The following MICU2 variants were observed in gnomAD, a reference collection of about 807,000 sequenced individuals.
The protein encoded by MICU2 is mitochondrial calcium uptake 2, also known as calcium uptake protein 2, mitochondrial.
A neutral mutation model predicts 60.4 loss-of-function variants in MICU2; 64 were observed. That is an observed-to-expected ratio of 1.06 (90% confidence interval 0.87 to 1.31). The LOEUF is 1.31. Among genes scored for constraint, MICU2 ranks in the 50% most tolerant of loss-of-function variants. The probability of loss-of-function intolerance (pLI) is 0.00; values close to 1 mark genes in which losing one functional copy is unlikely to be tolerated. For missense variants in MICU2, 569 were observed against 531.0 expected (o/e 1.07, Z -0.70); for synonymous variants, 201 against 175.0 (o/e 1.15, Z -1.17).
intron 2 of MICU2, among the ~76,000 whole-genome samples, chr13:21,544,850 C>T (rs984010134): frequency 9.9e-5 from 15 of 152,142 alleles, no homozygotes; most frequent in African/African-American, 3.4e-4. Flanking sequence ...TGAGGTCTTG[C>T]TATGTTGTCC....
At chr13:21,504,234 G>A (rs1465441730) in intron 8 of MICU2, among the ~76,000 whole-genome samples, 1 of 152,072 alleles carries the variant, frequency 6.6e-6, no homozygotes, top group African/African-American at 2.4e-5. Context: ...ATTTTGTTGA[G>A]TTTTCCTGCC....
intron 4 of MICU2, among the ~76,000 whole-genome samples, chr13:21,535,909 A>T (rs1411943276): frequency 6.6e-6 from 1 of 152,218 alleles, no homozygotes; most frequent in Admixed American, 6.5e-5. Context: ...GAAAGTGAGG[A>T]TGAAAGAGAT....
rs1887068943 is a variant in MICU2 at position 21,533,946 on chromosome 13, A to C, written c.466+5356T>G. Among the ~76,000 whole-genome samples the C allele has an allele frequency of 4.6e-5, 7 of 152,234 alleles. No individual in the cohort carries two copies. The South Asian group carries it at 1.5e-3, about 32-fold the overall frequency. ...ATAAAGAGGAGATAAAAATTAGAGG[A>C]TAATTTCATGTTTTTATTCAGATAT... On this transcript the variant is annotated intron_variant, in intron 4 of 11. Coordinates refer to ENST00000382374, the MANE Select transcript of MICU2 (RefSeq NM_152726.3).
At chr13:21,502,881 T>C in intron 9 of MICU2, 45 bp downstream of exon 9, 2 of 1,543,278 alleles carry the variant, frequency 1.3e-6, no homozygotes, top group Admixed American at 2.0e-5. Flanking sequence ...ATGTCTAACT[T>C]ATTATTTCAT....
At chr13:21,596,508 C>T (rs1888694935) in intron 1 of MICU2, among the ~76,000 whole-genome samples, 1 of 151,874 alleles carries the variant, frequency 6.6e-6, no homozygotes, top group African/African-American at 2.4e-5. Context: ...ACTGCAACCT[C>T]CGCCTCCGGG....
chr13:21,555,553 C>T (rs1443071132), intron 2 of MICU2, among the ~76,000 whole-genome samples: 1 of 152,212 alleles, frequency 6.6e-6, no homozygotes, highest in Non-Finnish European at 1.5e-5. Context: ...GACAAACCCA[C>T]AGCCAATATC....
At chr13:21,511,491 T>C (rs1886426304) in intron 7 of MICU2, among the ~76,000 whole-genome samples, 2 of 152,226 alleles carry the variant, frequency 1.3e-5, no homozygotes, top group Admixed American at 6.5e-5. Context: ...TAACTTTTTA[T>C]TTTGGGATAC....
intron 7 of MICU2, among the ~76,000 whole-genome samples, chr13:21,510,571 ATTCACACATTC>A (rs2138148160): frequency 6.6e-6 from 1 of 152,322 alleles, no homozygotes; most frequent in East Asian, 1.9e-4. Flanking sequence ...AGTGAGGCAG[ATTCACACATTC>A]TTCAATTCTT....
At chr13:21,550,698 T>C (rs977417452) in intron 2 of MICU2, among the ~76,000 whole-genome samples, 2 of 152,192 alleles carry the variant, frequency 1.3e-5, no homozygotes, top group Non-Finnish European at 2.9e-5. Flanking sequence ...TGCCAATATT[T>C]TTGCATTTTC....
intron 1 of MICU2, among the ~76,000 whole-genome samples, chr13:21,590,228 G>C (rs1370881315): frequency 6.6e-6 from 1 of 152,202 alleles, no homozygotes; most frequent in African/African-American, 2.4e-5. Context: ...AAGCCCATCA[G>C]ACTAACAGTG....
chr13:21,545,496 C>A (rs535578719), intron 2 of MICU2, among the ~76,000 whole-genome samples: 1 of 152,062 alleles, frequency 6.6e-6, no homozygotes, highest in African/African-American at 2.4e-5. Context: ...GCCTGACCAG[C>A]GTGGTGAAAC....
chr13:21,599,087 C>A lies in MICU2; in HGVS notation c.210+4852G>T, dbSNP rs577279913. ...GAGAATCTAACTAATGCCTGATGAT[C>A]TGAGGTGCAACAGTTGCATCCCAAA... On this transcript the variant is annotated intron_variant, in intron 1 of 11. Coordinates refer to ENST00000382374, the MANE Select transcript of MICU2 (RefSeq NM_152726.3). Among the ~76,000 whole-genome samples, 4 of 152,332 alleles carry A rather than the reference C, an allele frequency of 2.6e-5. No individual in the cohort carries two copies. In the South Asian group the frequency reaches 8.3e-4, roughly 32 times the overall value.
intron 2 of MICU2, among the ~76,000 whole-genome samples, chr13:21,563,324 G>A (rs905452885): frequency 3.3e-5 from 5 of 151,902 alleles, no homozygotes; most frequent in East Asian, 1.9e-4. Flanking sequence ...GCGTGGTGGC[G>A]GGCACCTGTA....
intron 4 of MICU2, among the ~76,000 whole-genome samples, chr13:21,532,497 C>T (rs1449252019): frequency 2.6e-5 from 4 of 152,186 alleles, no homozygotes; most frequent in Non-Finnish European, 5.9e-5. Context: ...TTTCTCAGTG[C>T]TCTTTCAGGA....
In MICU2 at chr13:21,603,951, T is replaced by G. The variant is rs1280550220; in HGVS notation, c.198A>C (p.Thr66=). The part of the protein sequence containing the change: ...VSVAARDGSF[T]VSAQKNVEHG... ...GTTAGTCCTGTACCTGTGCGGAGAC[T>G]GTAAAACTGCCATCCCGCGCCGCAA... The change falls in exon 1 of 12, where the codon ACA becomes ACC. Residue 66 remains threonine, a synonymous_variant. Transcript: ENST00000382374. 6.2e-7 allele frequency: 1 copy of G among 1,612,538 alleles called. No individual in the cohort carries two copies. Among genetic ancestry groups the G allele is most frequent in the Admixed American group, 1.7e-5 (1 of 60,004 alleles).
intron 4 of MICU2, chr13:21,530,746 G>A (rs576647126): frequency 9.1e-6 from 5 of 547,684 alleles, no homozygotes; most frequent in African/African-American, 7.6e-5. Flanking sequence ...AGCCAGAGCA[G>A]CCCCCACCCC....
At chr13:21,602,065 C>G (rs918107267) in intron 1 of MICU2, among the ~76,000 whole-genome samples, 3 of 150,182 alleles carry the variant, frequency 2.0e-5, no homozygotes, top group Non-Finnish European at 4.4e-5. Flanking sequence ...GCCGGGATCA[C>G]GCCACTGCAC....
intron 6 of MICU2, among the ~76,000 whole-genome samples, 195 bp downstream of exon 6, chr13:21,521,050 T>G (rs1181226171): frequency 6.6e-6 from 1 of 152,168 alleles, no homozygotes; most frequent in Non-Finnish European, 1.5e-5. Context: ...CTTTTTGGAA[T>G]CTTATGCTCT....
rs573277245 is a variant in MICU2, at chr13:21,591,126, T to C, written c.210+12813A>G. Among the ~76,000 whole-genome samples the C allele has an allele frequency of 1.3e-4, 19 of 151,904 alleles. 1 individual carries two copies. The South Asian group carries it at 3.9e-3, about 32-fold the overall frequency. ...AGAGTCAAGACTCATCGGTGTGTTG[T>C]ATTTAGGAGACGTGCAAAAACACAT... On this transcript the variant is annotated intron_variant, in intron 1 of 11. Transcript: ENST00000382374.
Sources: allele counts gnomAD v4.1 joint callset (sites outside exome capture counted in the v4.1 genomes callset), GRCh38; gene constraint gnomAD v4.1.1; transcripts MANE v1.5; gene names NCBI Gene and HGNC (gene_info 2026-07-23, HGNC 2026-07-21).